Variants in RGS3 observed in about 807,000 individuals in gnomAD.
RGS3 encodes the protein regulator of G-protein signalling 3.
RGS3 carries 80 observed loss-of-function variants against 132.6 expected under a neutral mutation model. That is an observed-to-expected ratio of 0.60 (90% confidence interval 0.50 to 0.73). RGS3 has a LOEUF of 0.73. Among genes scored for constraint, RGS3 ranks in the 30% least tolerant of loss-of-function variants. The pLI is 0.00. For synonymous variants in RGS3, 598 were observed against 620.6 expected (o/e 0.96, Z 0.54); for missense variants, 1,382 against 1,530.8 (o/e 0.90, Z 1.62).
upstream of RGS3, among the ~76,000 whole-genome samples, chr9:113,456,654 T>G (rs560559960): frequency 6.6e-6 from 1 of 152,220 alleles, no homozygotes; most frequent in African/African-American, 2.4e-5. Flanking sequence ...CAATTTGTTT[T>G]TTTTTTTTTC....
intron 7 of RGS3, among the ~76,000 whole-genome samples, chr9:113,491,016 AATT>A (rs1316238617): frequency 3.9e-4 from 53 of 134,770 alleles, no homozygotes; most frequent in South Asian, 1.1e-3. Flanking sequence ...TATGTAACGT[AATT>A]ATTATATATT....
intron 14 of RGS3, among the ~76,000 whole-genome samples, chr9:113,513,281 T>A (rs1588182263): frequency 6.7e-6 from 1 of 150,330 alleles, no homozygotes; most frequent in Admixed American, 6.6e-5. Flanking sequence ...AGTGTCCCCT[T>A]AAAGAGGGAC....
chr9:113,536,586 A>G, intron 18 of RGS3: 1 of 1,383,164 alleles, frequency 7.2e-7, no homozygotes, highest in Non-Finnish European at 9.4e-7. Context: ...GTGGGCCCAC[A>G]GCTCGCCAGC....
intron 18 of RGS3, among the ~76,000 whole-genome samples, chr9:113,533,334 G>A (rs113596512): frequency 1.3e-5 from 2 of 151,616 alleles, no homozygotes; most frequent in African/African-American, 2.4e-5. Flanking sequence ...GGGTTCAAGC[G>A]ATTCTCCTGC....
intron 21 of RGS3, chr9:113,594,061 C>G (rs1331523579): frequency 6.2e-7 from 1 of 1,613,000 alleles, no homozygotes; most frequent in South Asian, 1.1e-5. Context: ...TCCGCTCCCC[C>G]TCCTGGTCCC....
rs926988918 is a variant in RGS3 at position 113,506,590 on chromosome 9, C to A, written c.1085+97C>A. 5.3e-6 allele frequency: 4 copies of A among 750,008 alleles called. No individual in the cohort carries two copies. The highest frequency in any genetic ancestry group is 9.1e-6 in the Non-Finnish European group (4 of 438,154). The allele number at this position is 750,008 out of a possible 1,614,324, so 46.5% of individuals were successfully genotyped here. ...CTTGCCTGGCCCAGCTCTTGCTGCTCCCTCTTTTGCCTAGCTGTGAGCAGG... is the reference window on the plus strand; with the variant it reads ...CTTGCCTGGCCCAGCTCTTGCTGCTACCTCTTTTGCCTAGCTGTGAGCAGG... On this transcript the variant is annotated intron_variant, in intron 12 of 24. Coordinates refer to ENST00000350696, the Ensembl canonical transcript of RGS3. This position sits in a 1 kb window ranked among gnomAD's most constrained non-coding sequence, Gnocchi z 4.7.
At chr9:113,493,715 G>A (rs1469458719) in intron 7 of RGS3, among the ~76,000 whole-genome samples, 1 of 152,150 alleles carries the variant, frequency 6.6e-6, no homozygotes, top group African/African-American at 2.4e-5. Flanking sequence ...AGGATACCCT[G>A]GAGAGCTTTC....
At chr9:113,541,506 C>T (rs563503557) in intron 19 of RGS3, 21 of 1,563,916 alleles carry the variant, frequency 1.3e-5, no homozygotes, top group Non-Finnish European at 1.6e-5. Context: ...AACCTCACCT[C>T]AACTGGACCT....
chr9:113,596,784 A>G (rs1835802353), exon 25 of RGS3: 1 of 1,611,424 alleles, frequency 6.2e-7, no homozygotes, highest in Non-Finnish European at 8.5e-7. Context: ...CTGGACTCCT[A>G]CACGCGGGAG....
intron 19 of RGS3, among the ~76,000 whole-genome samples, chr9:113,545,871 A>C (rs377062614): frequency 1.3e-5 from 2 of 152,238 alleles, no homozygotes; most frequent in African/African-American, 4.8e-5. Flanking sequence ...GCTGAGTCTC[A>C]GAGAAGTTAA....
chr9:113,552,527 C>T (rs1564560874), intron 19 of RGS3, among the ~76,000 whole-genome samples: 1 of 152,080 alleles, frequency 6.6e-6, no homozygotes, highest in Non-Finnish European at 1.5e-5. Flanking sequence ...AATGTGTTAG[C>T]CAGGATGGTC....
At chr9:113,520,667 C>T (rs996145646) in intron 16 of RGS3, among the ~76,000 whole-genome samples, 15 of 151,632 alleles carry the variant, frequency 9.9e-5, no homozygotes, top group African/African-American at 3.4e-4. Flanking sequence ...GTCAGCGACA[C>T]GTTTTGTGGG....
chr9:113,471,776 A>C (rs1346441795), intron 3 of RGS3, among the ~76,000 whole-genome samples: 12 of 152,132 alleles, frequency 7.9e-5, no homozygotes, highest in Admixed American at 7.9e-4. Context: ...CATGGCTCTC[A>C]GCAGGAGGCC....
At chr9:113,536,986 C>A in intron 19 of RGS3, 68 bp downstream of exon 17, 1 of 1,501,830 alleles carries the variant, frequency 6.7e-7, no homozygotes, top group Non-Finnish European at 9.2e-7. Context: ...GACCCTTGAG[C>A]CTCTGCATTG....
chr9:113,553,459 A>T (rs10981823), intron 19 of RGS3, among the ~76,000 whole-genome samples: 125 of 58,664 alleles, frequency 2.1e-3, no homozygotes, highest in Non-Finnish European at 3.3e-3. Context: ...AAAAAAAAAA[A>T]ATATATATAT....
chr9:113,479,668 G>C, intron 4 of RGS3, 127 bp downstream of exon 2: 1 of 838,262 alleles, frequency 1.2e-6, no homozygotes, highest in Non-Finnish European at 2.0e-6. Flanking sequence ...TATAAAGGAT[G>C]TGTCCATTGA....
Position 113,591,506 on chromosome 9 carries a change from C to G in RGS3, c.3080+109C>G. Reference sequence around the variant, plus strand: ...GAGAAGAGGTTGTGCCTGGTCCCGCCCACAACCCCAGACAGACACCAAGGA... The same window carrying G: ...GAGAAGAGGTTGTGCCTGGTCCCGCGCACAACCCCAGACAGACACCAAGGA... On this transcript the variant is annotated intron_variant, in intron 21 of 24. Transcript: ENST00000350696. The surrounding 1 kb of genome is among the most constrained non-coding windows in gnomAD (Gnocchi z 4.4). The G allele has an allele frequency of 1.1e-6, 1 of 947,774 alleles. No homozygotes were observed. The highest frequency in any genetic ancestry group is 1.3e-5 in the South Asian group (1 of 74,896). The allele number at this position is 947,774 out of a possible 1,614,324, so 58.7% of individuals were successfully genotyped here.
At chr9:113,488,809 C>T (rs994968138) in intron 7 of RGS3, among the ~76,000 whole-genome samples, 1 of 152,340 alleles carries the variant, frequency 6.6e-6, no homozygotes, top group Admixed American at 6.5e-5. Context: ...GCACGCAGGC[C>T]GGCCTGGCCT....
intron 19 of RGS3, among the ~76,000 whole-genome samples, chr9:113,580,472 T>C (rs1834735394): frequency 6.6e-6 from 1 of 152,176 alleles, no homozygotes; most frequent in Non-Finnish European, 1.5e-5. Flanking sequence ...ACTCAAATAG[T>C]CCTGTGAGTC....
Sources: gnomAD v4.1 joint callset for allele counts (sites outside exome capture counted in the v4.1 genomes callset) on GRCh38, gnomAD v4.1.1 for gene constraint, Gnocchi (gnomAD v3.1) non-coding constraint, MANE v1.5 for transcripts, NCBI Gene and HGNC (gene_info 2026-07-23, HGNC 2026-07-21) for gene names.